FMNL1: variants seen among roughly 807,000 people sequenced by gnomAD.
FMNL1 encodes the protein formin like 1.
Under a neutral mutation model 121.3 loss-of-function variants are expected in FMNL1, and 43 were observed. The observed-to-expected ratio is 0.35, with a 90% CI of 0.28 to 0.46. The LOEUF (loss-of-function observed/expected upper bound fraction) is 0.46. Ranked by LOEUF, FMNL1 falls within the 20% of genes least tolerant of loss-of-function variation. FMNL1 has a pLI of 1.00. For synonymous variants in FMNL1, 613 were observed against 613.5 expected (o/e 1.00, Z 0.01); for missense variants, 1,191 against 1,482.4 (o/e 0.80, Z 3.23).
rs2043661679 is a variant in FMNL1, at chr17:45,240,451, C to T, written c.1081-25C>T. On this transcript the variant is annotated intron_variant, in intron 11 of 26. Coordinates refer to ENST00000331495, the MANE Select transcript of FMNL1 (RefSeq NM_005892.4). ...CCCCCACACACACACCAGGCCTCAC[C>T]CCACTCCTTCCATCTGGGGGACAGA... 5 of 1,596,610 alleles carry T rather than the reference C, an allele frequency of 3.1e-6. No homozygotes were observed. The East Asian group carries it at 8.9e-5, about 29-fold the overall frequency.
At position 45,242,419 on chromosome 17, in the gene FMNL1, T is replaced by C; in HGVS notation, c.1964T>C (p.Ile655Thr). The change falls in exon 16 of 27, where the codon ATC becomes ACC. Residue 655 changes from isoleucine to threonine, a missense_variant. Physicochemically the swap from Ile to Thr is moderately conservative, Grantham distance 89. Coordinates refer to ENST00000331495, the MANE Select transcript of FMNL1 (RefSeq NM_005892.4). ...TGGGTGGCACTGAAACCCAGCCAGA[T>C]CACCGGCACTGTCTTCACAGAGCTC... Reference protein sequence around the residue: ...LNWVALKPSQITGTVFTELND... With the variant: ...LNWVALKPSQTTGTVFTELND... The C allele has an allele frequency of 6.2e-7, 1 of 1,614,106 alleles. No homozygotes were observed.
rs1433536186 is a variant in FMNL1, at chr17:45,222,149, G to C, written c.25G>C (p.Glu9Gln). The change falls in exon 1 of 27, where the codon GAG (glutamate) becomes CAG (glutamine). Residue 9 changes from glutamate to glutamine, a missense_variant. Around this residue, in one of 4 missense-constraint regions of FMNL1, gnomAD observed 52 missense variants for 43.4 expected, o/e 1.20. Transcript: ENST00000331495. ...CATGGGCAACGCGGCCGGCAGCGCC[G>C]AGCAGCCCGCGGGCCCCGCCGCGCC... MGNAAGSA[E>Q]QPAGPAAPPP... The C allele has an allele frequency of 5.9e-6, 7 of 1,194,436 alleles. No individual in the cohort carries two copies. The highest frequency in any genetic ancestry group is 1.6e-5 in the African/African-American group (1 of 61,792). The allele number at this position is 1,194,436 out of a possible 1,614,324, so 74.0% of individuals were successfully genotyped here. A position where few individuals can be genotyped will look rare whatever the true frequency, so the allele number is the denominator to read the frequency against.
At chr17:45,245,505 CT>C in intron 22 of FMNL1, 89 bp downstream of exon 22, 1 of 1,606,086 alleles carries the variant, frequency 6.2e-7, no homozygotes, top group Non-Finnish European at 8.5e-7. Context: ...GCTGGGACCC[CT>C]TGGGGGGATG....
chr17:45,238,437 A>G, intron 9 of FMNL1, 127 bp from the exon 10 acceptor site: 1 of 903,010 alleles, frequency 1.1e-6, no homozygotes, highest in South Asian at 1.6e-5. Flanking sequence ...GGTTTTGAGC[A>G]GAAGAGTGAC....
At chr17:45,226,320 G>C (rs1162146012) in intron 1 of FMNL1, among the ~76,000 whole-genome samples, 1 of 152,200 alleles carries the variant, frequency 6.6e-6, no homozygotes, top group Non-Finnish European at 1.5e-5. Flanking sequence ...TGTGCTGGTG[G>C]GGGGGTTCCC....
At position 45,241,606 on chromosome 17, in the gene FMNL1, G is replaced by A. The variant is rs748775191; in HGVS notation, c.1557G>A (p.Pro519=). ...ATPSGGDAPT[P]GVPTGSPSPD... ...CGAGCGGCGGTGATGCTCCGACTCC[G>A]GGGGTGCCGACCGGCTCCCCCAGCC... The change falls in exon 14 of 27, where the codon CCG becomes CCA. Residue 519 remains proline, a synonymous_variant. Coordinates refer to ENST00000331495, the MANE Select transcript of FMNL1 (RefSeq NM_005892.4). The surrounding 1 kb of genome is among the most constrained non-coding windows in gnomAD (Gnocchi z 7.0). 2.0e-6 allele frequency: 3 copies of A among 1,533,462 alleles called. No individual in the cohort carries two copies. The allele number at this position is 1,533,462 out of a possible 1,614,324, so 95.0% of individuals were successfully genotyped here.
chr17:45,236,764 C>A (rs918836026), intron 7 of FMNL1, among the ~76,000 whole-genome samples: 2 of 152,092 alleles, frequency 1.3e-5, no homozygotes, highest in African/African-American at 4.8e-5. Flanking sequence ...AATTTGAGAT[C>A]AGCCTGGGCA....
At position 45,222,250 on chromosome 17, in the gene FMNL1, C is replaced by G; in HGVS notation, c.126C>G (p.Ala42=). 4 of 1,207,188 alleles carry G rather than the reference C, an allele frequency of 3.3e-6. No homozygotes were observed. Among genetic ancestry groups the G allele is most frequent in the Non-Finnish European group, 3.1e-6 (3 of 970,104 alleles). 74.8% of individuals were successfully genotyped at this position (1,207,188 alleles called of 1,614,324 possible). The part of the protein sequence containing the change: ...AGELEERFNR[A]LNCMNLPPDK... ...AGCTGGAGGAGAGGTTCAACCGCGC[C>G]CTGGTGAGTGCGACCCGGAGGCGGG... Residue 42 remains alanine (A), a synonymous_variant, in exon 1 of 27, where the codon GCC becomes GCG. Transcript: ENST00000331495.
intron 6 of FMNL1, 105 bp from the exon 7 acceptor site, chr17:45,236,031 G>T: frequency 1.1e-6 from 1 of 885,516 alleles, no homozygotes; most frequent in South Asian, 1.6e-5. Flanking sequence ...ATGTGGTGCC[G>T]TCAGGTTCCA....
intron 6 of FMNL1, among the ~76,000 whole-genome samples, chr17:45,235,069 G>C (rs935985183): frequency 2.6e-5 from 4 of 152,246 alleles, no homozygotes; most frequent in Non-Finnish European, 4.4e-5. Flanking sequence ...CTAGAGGATT[G>C]ATTGCATATT....
At position 45,245,945 on chromosome 17, in the gene FMNL1, C is replaced by T. The variant is rs151174346; in HGVS notation, c.3062C>T (p.Pro1021Leu). 8.5e-5 allele frequency: 134 copies of T among 1,581,442 alleles called. No individual in the cohort carries two copies. The highest frequency in any genetic ancestry group is 7.6e-4 in the East Asian group (34 of 44,740). ...GCCCAGGAGGCAGGCGCTGATACCCCGGGCAAAGGGGAGCCCCCAGCACCC... is the reference window on the plus strand; with the variant it reads ...GCCCAGGAGGCAGGCGCTGATACCCTGGGCAAAGGGGAGCCCCCAGCACCC... The part of the protein sequence containing the change: ...AAAQEAGADT[P>L]GKGEPPAPKS... Residue 1021 changes from proline to leucine, a missense_variant, in exon 24 of 27, where the codon CCG becomes CTG. Coordinates refer to ENST00000331495, the MANE Select transcript of FMNL1 (RefSeq NM_005892.4).
rs1373168425 is a variant in FMNL1 at position 45,237,240 on chromosome 17, G to A, written c.724-41G>A. On this transcript the variant is annotated intron_variant, in intron 7 of 26. Transcript: ENST00000331495. This position sits in a 1 kb window ranked among gnomAD's most constrained non-coding sequence, Gnocchi z 4.4. The stretch of plus-strand genomic sequence containing the variant: ...GTGGCGTGGGTGCCTGAAGTCCTGG[G>A]GGGCCCTTCCTGGAGACACTGACCT... The A allele has an allele frequency of 2.7e-5, 43 of 1,604,508 alleles. No homozygotes were observed. Among genetic ancestry groups the A allele is most frequent in the Non-Finnish European group, 3.7e-5 (43 of 1,171,442 alleles).
At position 45,242,091 on chromosome 17, in the gene FMNL1, G is replaced by A. The variant is rs1359782292; in HGVS notation, c.1830G>A (p.Pro610=). 53 of 1,471,310 alleles carry A rather than the reference G, an allele frequency of 3.6e-5. No homozygotes were observed. The highest frequency in any genetic ancestry group is 4.6e-5 in the Non-Finnish European group (51 of 1,111,726). The allele number at this position is 1,471,310 out of a possible 1,614,324, so 91.1% of individuals were successfully genotyped here. A position where few individuals can be genotyped will look rare whatever the true frequency, so the allele number is the denominator to read the frequency against. The change falls in exon 15 of 27, where the codon CCG becomes CCA. Residue 610 remains proline, a synonymous_variant. Transcript: ENST00000331495. The part of the protein sequence containing the change: ...PVPPPPPPPP[P]PPGGPPDALG... ...CTCCGCCGCCGCCGCCGCCGCCGCCGCCTCCCGGAGGTCCTCCTGATGCCC... is the reference window on the plus strand; with the variant it reads ...CTCCGCCGCCGCCGCCGCCGCCGCCACCTCCCGGAGGTCCTCCTGATGCCC...
intron 5 of FMNL1, 70 bp from the exon 6 acceptor site, chr17:45,234,002 C>T (rs1366161909): frequency 3.2e-6 from 5 of 1,573,210 alleles, no homozygotes; most frequent in Admixed American, 1.8e-5. Context: ...TCTCTCCTTG[C>T]GTTTCCTCTG....
At chr17:45,230,308 C>A (rs995690291) in intron 1 of FMNL1, among the ~76,000 whole-genome samples, 1 of 152,184 alleles carries the variant, frequency 6.6e-6, no homozygotes, top group Non-Finnish European at 1.5e-5. Context: ...TGACAACCCA[C>A]GCTCCTGCCT....
rs780269020 is a variant in FMNL1, at chr17:45,234,158, G to T, written c.572G>T (p.Gly191Val). Residue 191 changes from glycine (G) to valine (V), a missense_variant, in exon 6 of 27, where the codon GGT becomes GTT. Gly to Val is a moderately radical substitution (Grantham distance 109, BLOSUM62 -3). Around this residue, in one of 4 missense-constraint regions of FMNL1, gnomAD observed 253 missense variants for 417.5 expected, o/e 0.61. Coordinates refer to ENST00000331495, the MANE Select transcript of FMNL1 (RefSeq NM_005892.4). ...LEQSVEDLSK[G>V]PPSSVPKSRH... is the part of the protein sequence containing the mutation. ...CAGTCTGTGGAAGACCTCAGCAAGG[G>T]TCCACCCTCCTCCGTGCCCAAAAGC... The T allele has an allele frequency of 6.2e-7, 1 of 1,614,098 alleles. No homozygotes were observed. The highest frequency in any genetic ancestry group is 2.2e-5 in the East Asian group (1 of 44,866).
chr17:45,222,833 C>T (rs750447195), intron 1 of FMNL1, among the ~76,000 whole-genome samples: 6 of 152,108 alleles, frequency 3.9e-5, no homozygotes, highest in Non-Finnish European at 8.8e-5. Context: ...CCTTTCCAAG[C>T]CACTGAAGGG....
chr17:45,245,772 A>T (rs774853851), intron 23 of FMNL1, 39 bp downstream of exon 23: 1 of 1,611,776 alleles, frequency 6.2e-7, no homozygotes, highest in Admixed American at 1.7e-5. Context: ...CCTGTAGGGC[A>T]CTGAAGCCTT....
rs969828095 is a variant in FMNL1, at chr17:45,222,173, C to T, written c.49C>T (p.Pro17Ser). The change falls in exon 1 of 27, where the codon CCG (proline) becomes TCG (serine). Residue 17 changes from proline (P) to serine (S), a missense_variant. Pro to Ser is a moderately conservative substitution (Grantham distance 74). Transcript: ENST00000331495. ...SAEQPAGPAAPPPKQPAPPKQ... is the reference protein window; with the variant it reads ...SAEQPAGPAASPPKQPAPPKQ... ...CGAGCAGCCCGCGGGCCCCGCCGCG[C>T]CGCCCCCCAAGCAGCCCGCGCCTCC... The T allele has an allele frequency of 2.5e-6, 3 of 1,214,018 alleles. No individual in the cohort carries two copies. The highest frequency in any genetic ancestry group is 3.2e-5 in the African/African-American group (2 of 62,064). 75.2% of individuals were successfully genotyped at this position (1,214,018 alleles called of 1,614,324 possible). A position where few individuals can be genotyped will look rare whatever the true frequency, so the allele number is the denominator to read the frequency against.
Sources: gnomAD v4.1 joint callset for allele counts (sites outside exome capture counted in the v4.1 genomes callset) on GRCh38, gnomAD v4.1.1 for gene constraint, gnomAD v4.1.1 regional missense constraint, Gnocchi (gnomAD v3.1) non-coding constraint, MANE v1.5 for transcripts, NCBI Gene and HGNC (gene_info 2026-07-23, HGNC 2026-07-21) for gene names.